TBC1D22A: variants seen among roughly 807,000 people sequenced by gnomAD.
TBC1D22A encodes the protein TBC1 domain family member 22A, also known as putative GTPase activator.
A neutral mutation model predicts 60.2 loss-of-function variants in TBC1D22A; 38 were observed. The observed-to-expected ratio is 0.63, with a 90% CI of 0.49 to 0.83. The LOEUF (loss-of-function observed/expected upper bound fraction) is 0.83. TBC1D22A is among the 40% of genes least tolerant of loss of function. The pLI, the probability that TBC1D22A is intolerant of heterozygous loss-of-function variation, is 0.00. For synonymous variants in TBC1D22A, 302 were observed against 281.7 expected, an observed-to-expected ratio of 1.07 and a Z score of -0.72; for missense variants, 628 against 701.0, an observed-to-expected ratio of 0.90 and a Z score of 1.18.
chr22:47,152,098 C>T (rs1017220651), intron 12 of TBC1D22A, among the ~76,000 whole-genome samples: 1 of 152,238 alleles, frequency 6.6e-6, no homozygotes, highest in South Asian at 2.1e-4. Context: ...GACTAGAACC[C>T]GGTCCTAGGG....
chr22:46,940,466 A>ATATG (rs1301787069), intron 8 of TBC1D22A, among the ~76,000 whole-genome samples: 176 of 147,090 alleles, frequency 1.2e-3, no homozygotes, highest in African/African-American at 4.2e-3. Context: ...ATATATATAT[A>ATATG]TATGTATGTA....
chr22:46,958,439 G>C (rs184637199), intron 8 of TBC1D22A, among the ~76,000 whole-genome samples: 14 of 152,306 alleles, frequency 9.2e-5, no homozygotes, highest in Admixed American at 5.9e-4. Flanking sequence ...TGGGACAGGG[G>C]GCTCGGCATA....
At chr22:46,794,192 C>CT (rs1195309045) in intron 3 of TBC1D22A, among the ~76,000 whole-genome samples, 1 of 152,240 alleles carries the variant, frequency 6.6e-6, no homozygotes, top group Non-Finnish European at 1.5e-5. Context: ...GGGACACTGT[C>CT]TCCCTCCTAA....
chr22:46,863,467 G>A (rs955133739), intron 4 of TBC1D22A, among the ~76,000 whole-genome samples: 3 of 152,164 alleles, frequency 2.0e-5, no homozygotes, highest in African/African-American at 7.2e-5. Flanking sequence ...TGAGCTCAGA[G>A]CCCTGCTCTC....
intron 11 of TBC1D22A, among the ~76,000 whole-genome samples, chr22:47,068,562 A>G (rs1185538254): frequency 2.0e-5 from 3 of 152,250 alleles, no homozygotes; most frequent in Non-Finnish European, 4.4e-5. Flanking sequence ...CAAGTGGAAT[A>G]TGCCATATGA....
chr22:46,953,521 C>T (rs988336336), intron 8 of TBC1D22A, among the ~76,000 whole-genome samples: 2 of 151,894 alleles, frequency 1.3e-5, no homozygotes, highest in African/African-American at 4.8e-5. Flanking sequence ...TCTGTATCTA[C>T]TTGGCCTTAA....
chr22:47,007,416 T>C (rs2061627893), intron 10 of TBC1D22A, among the ~76,000 whole-genome samples: 1 of 152,208 alleles, frequency 6.6e-6, no homozygotes, highest in African/African-American at 2.4e-5. Flanking sequence ...ACAGGTGCAT[T>C]GTAAGAGCAC....
chr22:46,807,387 G>A (rs1382966481), intron 4 of TBC1D22A, among the ~76,000 whole-genome samples: 2 of 152,188 alleles, frequency 1.3e-5, no homozygotes, highest in Non-Finnish European at 2.9e-5. Context: ...AGCCCGTGCT[G>A]AGGACTTCTG....
Position 46,869,579 on chromosome 22 carries a change from A to C in TBC1D22A, c.638-9074A>C, listed in dbSNP as rs530309544. Among the ~76,000 whole-genome samples the C allele has an allele frequency of 3.9e-5, 6 of 152,336 alleles. No individual in the cohort carries two copies. In the South Asian group the frequency reaches 1.0e-3, roughly 26 times the overall value. ...GGCATGCTCAGCAAGTGCTGGCCAC[A>C]TGGAGTTGATCTGTGAGGCTCCCCT... On this transcript the variant is annotated intron_variant, in intron 4 of 12. Transcript: ENST00000337137.
At position 46,762,860 on chromosome 22, in the gene TBC1D22A, G is replaced by C; in HGVS notation, c.62+12G>C. On this transcript the variant is annotated intron_variant, in intron 1 of 12. Coordinates refer to ENST00000337137, the MANE Select transcript of TBC1D22A (RefSeq NM_014346.5). ...AAGCTCCCGGGCAGGTGGGTGTGCC[G>C]CGGAGGGCCAGGTCGGGGTCAGGGG... The C allele has an allele frequency of 2.0e-6, 3 of 1,469,164 alleles. No individual in the cohort carries two copies. In the East Asian group the frequency reaches 9.0e-5, roughly 44 times the overall value. 91.0% of individuals were successfully genotyped at this position (1,469,164 alleles called of 1,614,324 possible).
intron 11 of TBC1D22A, 110 bp from the exon 12 acceptor site, chr22:47,111,398 G>A (rs2065840293): frequency 1.1e-6 from 1 of 936,200 alleles, no homozygotes; most frequent in Non-Finnish European, 1.6e-6. Context: ...ACAAGCTTTG[G>A]TTTCCTCTGA....
chr22:46,961,250 A>T (rs1334365818), intron 8 of TBC1D22A, among the ~76,000 whole-genome samples: 2 of 152,204 alleles, frequency 1.3e-5, no homozygotes, highest in African/African-American at 4.8e-5. Context: ...TTTTGTAAAA[A>T]ATCAGTCAAG....
intron 12 of TBC1D22A, among the ~76,000 whole-genome samples, chr22:47,148,009 T>C (rs1176786478): frequency 1.3e-5 from 2 of 152,088 alleles, no homozygotes; most frequent in Non-Finnish European, 2.9e-5. Context: ...CCTAGGACAG[T>C]GCCAGGGAAG....
In TBC1D22A at chr22:47,028,573, C is replaced by T. The variant is rs2062343494; in HGVS notation, c.1202-8498C>T. Among the ~76,000 whole-genome samples the T allele has an allele frequency of 6.6e-6, 1 of 152,032 alleles. No individual in the cohort carries two copies. Among genetic ancestry groups the T allele is most frequent in the Admixed American group, 6.5e-5 (1 of 15,270 alleles). On this transcript the variant is annotated intron_variant, in intron 10 of 12. Coordinates refer to ENST00000337137, the MANE Select transcript of TBC1D22A (RefSeq NM_014346.5). The surrounding 1 kb of genome is among the most constrained non-coding windows in gnomAD (Gnocchi z 4.4). ...GCGTTCCTGTCCCTCGGTCCCTGTC[C>T]CCCACGGCCCAGGAATGAATCTGGT...
intron 4 of TBC1D22A, among the ~76,000 whole-genome samples, chr22:46,845,299 G>T (rs186311387): frequency 6.6e-6 from 1 of 152,342 alleles, no homozygotes; most frequent in Admixed American, 6.5e-5. Context: ...TGTATCTGAC[G>T]TTATTTTCAG....
intron 10 of TBC1D22A, among the ~76,000 whole-genome samples, chr22:47,025,937 A>G (rs1224065253): frequency 2.0e-5 from 3 of 152,176 alleles, no homozygotes; most frequent in Non-Finnish European, 4.4e-5. Flanking sequence ...TTAGAGGGAA[A>G]CGTATAGTGT....
intron 12 of TBC1D22A, among the ~76,000 whole-genome samples, chr22:47,157,695 G>A (rs578182351): frequency 8.5e-5 from 13 of 152,316 alleles, no homozygotes; most frequent in East Asian, 3.9e-4. Flanking sequence ...CCCTCGCTCC[G>A]AGTCTGCTGG....
intron 8 of TBC1D22A, among the ~76,000 whole-genome samples, chr22:46,964,657 C>G (rs150210437): frequency 4.4e-4 from 67 of 152,268 alleles, no homozygotes; most frequent in African/African-American, 1.5e-3. Flanking sequence ...GTGATTATAT[C>G]CATCCAGTTT....
intron 1 of TBC1D22A, among the ~76,000 whole-genome samples, chr22:46,775,401 A>C (rs1021056440): frequency 2.0e-5 from 3 of 152,126 alleles, no homozygotes; most frequent in Non-Finnish European, 4.4e-5. Context: ...CCACAGTTTT[A>C]TAGAATCTAT....
Sources: allele counts gnomAD v4.1 joint callset (sites outside exome capture counted in the v4.1 genomes callset), GRCh38; gene constraint gnomAD v4.1.1; non-coding constraint Gnocchi (gnomAD v3.1); transcripts MANE v1.5; gene names NCBI Gene and HGNC (gene_info 2026-07-23, HGNC 2026-07-21).